Variants in ANKIB1 observed in about 807,000 individuals in gnomAD.
The protein encoded by ANKIB1 is ankyrin repeat and IBR domain containing 1.
Under a neutral mutation model 122.1 loss-of-function variants are expected in ANKIB1, and 43 were observed. The observed-to-expected ratio is 0.35, with a 90% CI of 0.28 to 0.45. The LOEUF is 0.45. ANKIB1 is among the 20% of genes least tolerant of loss of function. The pLI is 1.00. For missense variants in ANKIB1, 992 were observed against 1,329.5 expected (o/e 0.75, Z 3.95); for synonymous variants, 390 against 442.0 (o/e 0.88, Z 1.48).
intron 1 of ANKIB1, among the ~76,000 whole-genome samples, chr7:92,276,161 A>G (rs1025811575): frequency 3.3e-5 from 5 of 152,206 alleles, no homozygotes; most frequent in African/African-American, 1.2e-4. Flanking sequence ...ATAGAGGTGA[A>G]TATATGTAAA....
intron 4 of ANKIB1, among the ~76,000 whole-genome samples, chr7:92,324,585 C>G (rs1802984495): frequency 5.9e-5 from 9 of 152,094 alleles, no homozygotes; most frequent in Admixed American, 5.9e-4. Context: ...ATATTTGTAC[C>G]TTCTACTTTG....
intron 11 of ANKIB1, among the ~76,000 whole-genome samples, chr7:92,378,406 G>A (rs1804435155): frequency 6.8e-6 from 1 of 147,104 alleles, no homozygotes; most frequent in Admixed American, 6.9e-5. Flanking sequence ...GAAAGTTGAT[G>A]TTGTACCTCG....
At position 92,358,594 on chromosome 7, in the gene ANKIB1, CT is replaced by C. The variant is rs56238133; in HGVS notation, c.1398-3580del. Reference sequence around the variant, plus strand: ...CACTGGGCTTTGTTCCCCCATGATTCTTTTTTTTTTTCCCAGAACATTTTCA... The same window carrying C: ...CACTGGGCTTTGTTCCCCCATGATTCTTTTTTTTTTCCCAGAACATTTTCA... On this transcript the variant is annotated intron_variant, in intron 9 of 19. Transcript: ENST00000265742. Among the ~76,000 whole-genome samples, 19 of 141,530 alleles carry C rather than the reference CT, an allele frequency of 1.3e-4. No individual in the cohort carries two copies. In the East Asian group the frequency reaches 3.7e-3, roughly 27 times the overall value. 92.8% of individuals were successfully genotyped at this position (141,530 alleles called of 152,430 possible).
intron 9 of ANKIB1, among the ~76,000 whole-genome samples, chr7:92,358,236 C>T (rs746070471): frequency 5.8e-4 from 88 of 151,952 alleles, no homozygotes; most frequent in Non-Finnish European, 3.8e-4. Context: ...AGCAAGACTC[C>T]GCCTCAAAAA....
At chr7:92,307,806 CTCTTT>C in intron 3 of ANKIB1, 150 bp downstream of exon 3, 1 of 346,198 alleles carries the variant, frequency 2.9e-6, no homozygotes, top group Non-Finnish European at 4.7e-6. Flanking sequence ...AATAAAGGGC[CTCTTT>C]TTTTTTTTTT....
chr7:92,376,621 G>C (rs368906644), intron 11 of ANKIB1, among the ~76,000 whole-genome samples: 3 of 151,738 alleles, frequency 2.0e-5, no homozygotes, highest in African/African-American at 7.3e-5. Flanking sequence ...GCTAATTTTT[G>C]TATTTTTAGT....
chr7:92,321,932 A>G (rs1308053195), intron 4 of ANKIB1, among the ~76,000 whole-genome samples: 2 of 152,228 alleles, frequency 1.3e-5, no homozygotes, highest in Admixed American at 1.3e-4. Flanking sequence ...TTTAATCCAC[A>G]TGGGAACCTT....
intron 2 of ANKIB1, among the ~76,000 whole-genome samples, chr7:92,297,270 A>G (rs976377911): frequency 1.3e-5 from 2 of 152,218 alleles, no homozygotes; most frequent in Non-Finnish European, 2.9e-5. Context: ...CTGTACTGAC[A>G]GCCTCTTATT....
At chr7:92,253,037 A>G (rs1044483707) in intron 1 of ANKIB1, among the ~76,000 whole-genome samples, 1 of 152,292 alleles carries the variant, frequency 6.6e-6, no homozygotes, top group African/African-American at 2.4e-5. Flanking sequence ...ACACTTGTAT[A>G]TGGTTTGTAT....
intron 9 of ANKIB1, among the ~76,000 whole-genome samples, chr7:92,355,232 G>C (rs544910110): frequency 6.6e-6 from 1 of 152,090 alleles, no homozygotes; most frequent in East Asian, 1.9e-4. Context: ...GATGGGTTCT[G>C]ACTTAAACCA....
intron 1 of ANKIB1, among the ~76,000 whole-genome samples, chr7:92,247,894 A>G (rs976584814): frequency 5.3e-5 from 8 of 151,880 alleles, no homozygotes; most frequent in African/African-American, 1.9e-4. Flanking sequence ...TTTCCCCCCA[A>G]CCTCCTTTCA....
At chr7:92,258,372 G>A (rs920741478) in intron 1 of ANKIB1, among the ~76,000 whole-genome samples, 1 of 152,222 alleles carries the variant, frequency 6.6e-6, no homozygotes, top group African/African-American at 2.4e-5. Flanking sequence ...CAAAGTTAAT[G>A]TGTATCACAC....
intron 10 of ANKIB1, among the ~76,000 whole-genome samples, chr7:92,368,783 G>T (rs1166884771): frequency 6.6e-6 from 1 of 152,134 alleles, no homozygotes; most frequent in Non-Finnish European, 1.5e-5. Context: ...CAGAGAATAG[G>T]AAATAAAGGT....
chr7:92,389,926 G>T (rs1585140362), intron 14 of ANKIB1, 45 bp from the exon 15 acceptor site: 2 of 1,541,456 alleles, frequency 1.3e-6, no homozygotes, highest in South Asian at 1.3e-5. Context: ...ATTATAAATG[G>T]CATATTTGCA....
chr7:92,319,221 G>C (rs1802855204), intron 3 of ANKIB1, 109 bp from the exon 4 acceptor site: 1 of 679,066 alleles, frequency 1.5e-6, no homozygotes, highest in African/African-American at 1.8e-5. Context: ...TGTACATACT[G>C]TTGCATTTTT....
At chr7:92,251,130 CTGAAACAATATTGGAGG>C (rs1801321532) in intron 1 of ANKIB1, among the ~76,000 whole-genome samples, 1 of 152,112 alleles carries the variant, frequency 6.6e-6, no homozygotes, top group African/African-American at 2.4e-5. Context: ...ATTTTTCTCA[CTGAAACAATATTGGAGG>C]TAGAATTCCT....
At chr7:92,388,503 T>C (rs1804715154) in intron 14 of ANKIB1, among the ~76,000 whole-genome samples, 1 of 150,390 alleles carries the variant, frequency 6.6e-6, no homozygotes, top group Admixed American at 6.6e-5. Flanking sequence ...CACTGGTAAA[T>C]AATGAACATT....
At chr7:92,317,031 C>G (rs533761820) in intron 3 of ANKIB1, among the ~76,000 whole-genome samples, 65 of 152,090 alleles carry the variant, frequency 4.3e-4, no homozygotes, top group Non-Finnish European at 8.4e-4. Context: ...ATAAAGTCAG[C>G]TCTTTAGTTC....
intron 5 of ANKIB1, among the ~76,000 whole-genome samples, chr7:92,341,484 T>G: frequency 6.7e-6 from 1 of 150,326 alleles, no homozygotes; most frequent in African/African-American, 2.4e-5. Flanking sequence ...GATTGCAACC[T>G]CGTTGTGGCA....
Sources: allele counts gnomAD v4.1 joint callset (sites outside exome capture counted in the v4.1 genomes callset), GRCh38; gene constraint gnomAD v4.1.1; transcripts MANE v1.5; gene names NCBI Gene and HGNC (gene_info 2026-07-23, HGNC 2026-07-21).